Variants in MBD2 observed in about 807,000 individuals in gnomAD.
The protein encoded by MBD2 is methyl-CpG-binding domain protein 2.
In MBD2, 9 loss-of-function variants were observed where a neutral mutation model predicts 39.3. The ratio of observed to expected loss-of-function variants is 0.23; its 90% CI spans 0.14 to 0.40. MBD2 has a LOEUF of 0.40. Ranked by LOEUF, MBD2 falls within the 10% of genes least tolerant of loss-of-function variation. The pLI, the probability that MBD2 is intolerant of heterozygous loss-of-function variation, is 1.00. For synonymous variants in MBD2, 233 were observed against 211.1 expected, an observed-to-expected ratio of 1.10 and a Z score of -0.90; for missense variants, 458 against 532.6, an observed-to-expected ratio of 0.86 and a Z score of 1.38.
intron 5 of MBD2, among the ~76,000 whole-genome samples, chr18:54,161,909 T>A (rs938555417): frequency 6.6e-6 from 1 of 152,112 alleles, no homozygotes; most frequent in African/African-American, 2.4e-5. Flanking sequence ...CCTGACCTAA[T>A]AGGACCCCTT....
chr18:54,179,035 T>C (rs1330776579), intron 3 of MBD2, among the ~76,000 whole-genome samples: 1 of 152,022 alleles, frequency 6.6e-6, no homozygotes, highest in African/African-American at 2.4e-5. Flanking sequence ...ACAAAATTTT[T>C]AAAAACTAGC....
At chr18:54,210,288 AAAAAT>A (rs751636005) in intron 1 of MBD2, among the ~76,000 whole-genome samples, 5 of 152,222 alleles carry the variant, frequency 3.3e-5, no homozygotes, top group East Asian at 1.9e-4. Flanking sequence ...ACTTAAAAAT[AAAAAT>A]AAAATAACAA....
chr18:54,224,193 G>A lies in MBD2; in HGVS notation c.367C>T (p.Arg123Trp), dbSNP rs2086639787. The A allele has an allele frequency of 8.3e-7, 1 of 1,211,762 alleles. No individual in the cohort carries two copies. The highest frequency in any genetic ancestry group is 1.6e-5 in the African/African-American group (1 of 62,868). 75.1% of individuals were successfully genotyped at this position (1,211,762 alleles called of 1,614,324 possible). Residue 123 changes from arginine (R) to tryptophan (W), a missense_variant, in exon 1 of 7, where the codon CGG becomes TGG. By Grantham distance (101) the Arg-to-Trp change is moderately radical. Coordinates refer to ENST00000256429, the MANE Select transcript of MBD2 (RefSeq NM_003927.5). ...GACGGGAAAGGGACCGGCTCCCGCC[G>A]GGGGGCGCCGCCGCCACCGCTGCCG... ...GGGSGGGGAP[R>W]REPVPFPSGS...
chr18:54,158,707 T>C (rs1051088997), intron 6 of MBD2, among the ~76,000 whole-genome samples: 7 of 152,154 alleles, frequency 4.6e-5, no homozygotes, highest in African/African-American at 1.7e-4. Flanking sequence ...CTGCAACCTC[T>C]GCCTCCCGGG....
intron 3 of MBD2, among the ~76,000 whole-genome samples, chr18:54,180,055 A>G (rs928483662): frequency 6.6e-6 from 1 of 152,054 alleles, no homozygotes; most frequent in Admixed American, 6.5e-5. Flanking sequence ...CAATACACAA[A>G]ATCAATTCAT....
intron 2 of MBD2, among the ~76,000 whole-genome samples, chr18:54,200,249 AT>A (rs1173737777): frequency 6.6e-6 from 1 of 152,256 alleles, no homozygotes; most frequent in Non-Finnish European, 1.5e-5. Context: ...AAACTAAAAA[AT>A]AATTTGTTCC....
At chr18:54,201,897 C>T (rs1300855505) in intron 2 of MBD2, among the ~76,000 whole-genome samples, 5 of 151,014 alleles carry the variant, frequency 3.3e-5, no homozygotes, top group African/African-American at 4.9e-5. Flanking sequence ...TCCAATCACA[C>T]CTAAAGATAT....
At chr18:54,166,776 G>T (rs1476419012) in intron 3 of MBD2, among the ~76,000 whole-genome samples, 1 of 152,234 alleles carries the variant, frequency 6.6e-6, no homozygotes, top group African/African-American at 2.4e-5. Flanking sequence ...TGGTCACTTA[G>T]TAGCCCCAGG....
At chr18:54,175,154 A>G (rs2086203087) in intron 3 of MBD2, among the ~76,000 whole-genome samples, 1 of 152,250 alleles carries the variant, frequency 6.6e-6, no homozygotes, top group Non-Finnish European at 1.5e-5. Flanking sequence ...CTATTAGAAC[A>G]AAGTGAACTG....
intron 3 of MBD2, among the ~76,000 whole-genome samples, chr18:54,166,752 G>A (rs552573303): frequency 2.4e-4 from 37 of 152,244 alleles, no homozygotes; most frequent in African/African-American, 8.7e-4. Flanking sequence ...TGCTGCACAG[G>A]GCCTGGGTCA....
intron 4 of MBD2, among the ~76,000 whole-genome samples, chr18:54,165,587 T>C (rs1233634562): frequency 1.3e-5 from 2 of 152,208 alleles, no homozygotes; most frequent in Non-Finnish European, 2.9e-5. Context: ...CAGATCCCAC[T>C]GGCTGCTGTT....
At chr18:54,193,024 CTTTAA>C (rs1399429300) in intron 2 of MBD2, among the ~76,000 whole-genome samples, 3 of 152,142 alleles carry the variant, frequency 2.0e-5, no homozygotes, top group Admixed American at 1.3e-4. Context: ...GACAGAATGT[CTTTAA>C]TTTATTATTC....
Position 54,224,499 on chromosome 18 carries a change from C to A in MBD2, c.61G>T (p.Ala21Ser). The change falls in exon 1 of 7, where the codon GCG (alanine) becomes TCG (serine). Residue 21 changes from alanine (A) to serine (S), a missense_variant. Physicochemically the swap from Ala to Ser is moderately conservative, Grantham distance 99 (BLOSUM62 1). Transcript: ENST00000256429. Reference sequence around the variant, plus strand: ...TCGCCGCCAGCGCCGCTGCCGCCCGCCGCACTCTCCCCCTCCTCCTGCTCC... The same window carrying A: ...TCGCCGCCAGCGCCGCTGCCGCCCGACGCACTCTCCCCCTCCTCCTGCTCC... ...CPEQEEGESAAGGSGAGGDSA... is the reference protein window; with the variant it reads ...CPEQEEGESASGGSGAGGDSA... 8.1e-7 allele frequency: 1 copy of A among 1,236,004 alleles called. No individual in the cohort carries two copies. The highest frequency in any genetic ancestry group is 3.8e-5 in the South Asian group (1 of 25,984). 76.6% of individuals were successfully genotyped at this position (1,236,004 alleles called of 1,614,324 possible).
chr18:54,215,157 A>G (rs2086546537), intron 1 of MBD2, among the ~76,000 whole-genome samples: 1 of 152,212 alleles, frequency 6.6e-6, no homozygotes, highest in African/African-American at 2.4e-5. Flanking sequence ...TTCTGACTCA[A>G]AAGTCTCCAT....
chr18:54,181,876 T>G (rs2086254104), intron 3 of MBD2, among the ~76,000 whole-genome samples: 1 of 152,216 alleles, frequency 6.6e-6, no homozygotes, highest in South Asian at 2.1e-4. Flanking sequence ...TTCAGTGATC[T>G]CCTAACCCTG....
At chr18:54,166,384 C>T (rs376249535) in intron 3 of MBD2, among the ~76,000 whole-genome samples, 1 of 152,152 alleles carries the variant, frequency 6.6e-6, no homozygotes, top group East Asian at 1.9e-4. Context: ...TTTTACATAA[C>T]CTATTCACTT....
intron 2 of MBD2, among the ~76,000 whole-genome samples, chr18:54,191,814 T>G (rs2086321625): frequency 6.6e-6 from 1 of 152,214 alleles, no homozygotes; most frequent in Non-Finnish European, 1.5e-5. Flanking sequence ...TTATCTCATT[T>G]TTTTCCCCCA....
rs531951761 is a variant in MBD2 at position 54,182,351 on chromosome 18, A to G, written c.840+6523T>C. The stretch of plus-strand genomic sequence containing the variant: ...CAGGGGTTTTCTGAACAGAAGTGAC[A>G]TCTAAGTTCTTGATGTCACTTGAGA... On this transcript the variant is annotated intron_variant, in intron 3 of 6. Transcript: ENST00000256429. 3.3e-3 allele frequency among the ~76,000 whole-genome samples: 500 copies of G among 152,336 alleles called. 3 individuals carry two copies. The highest frequency in any genetic ancestry group is 0.012 in the African/African-American group (482 of 41,576).
chr18:54,196,958 G>A (rs950272211), intron 2 of MBD2, among the ~76,000 whole-genome samples: 1 of 152,176 alleles, frequency 6.6e-6, no homozygotes, highest in African/African-American at 2.4e-5. Flanking sequence ...AGATGGAACA[G>A]TACTATTATT....
Sources: allele counts gnomAD v4.1 joint callset (sites outside exome capture counted in the v4.1 genomes callset), GRCh38; gene constraint gnomAD v4.1.1; transcripts MANE v1.5; gene names NCBI Gene and HGNC (gene_info 2026-07-23, HGNC 2026-07-21).